The following TAF7L variants were observed in gnomAD, a reference collection of about 807,000 sequenced individuals.
The protein encoded by TAF7L is transcription initiation factor TFIID subunit 7-like.
A neutral mutation model predicts 30.2 loss-of-function variants in TAF7L; 6 were observed. The observed-to-expected ratio is 0.20, with a 90% CI of 0.11 to 0.39. The LOEUF (loss-of-function observed/expected upper bound fraction) is 0.39. TAF7L is among the 10% of genes least tolerant of loss of function. The pLI, the probability that TAF7L is intolerant of heterozygous loss-of-function variation, is 1.00. For synonymous variants in TAF7L, 93 were observed against 94.5 expected (o/e 0.98, Z 0.09); for missense variants, 284 against 277.1 (o/e 1.03, Z -0.18).
chrX:101,279,702 G>C (rs1044611143), intron 6 of TAF7L, among the ~76,000 whole-genome samples: 1 of 111,814 alleles, frequency 8.9e-6, no homozygotes, highest in Non-Finnish European at 1.9e-5. Flanking sequence ...AGTAAAGTCA[G>C]AGCAATCAGC....
At chrX:101,281,573 G>A in intron 6 of TAF7L, 147 bp downstream of exon 6, 1 of 547,592 alleles carries the variant, frequency 1.8e-6, no homozygotes, top group Non-Finnish European at 3.1e-6. Flanking sequence ...AGCATACAGT[G>A]CCTGGCATTT....
chrX:101,285,359 G>A (rs1409236722), intron 3 of TAF7L, among the ~76,000 whole-genome samples: 1 of 109,081 alleles, frequency 9.2e-6, no homozygotes, highest in East Asian at 2.9e-4. Flanking sequence ...TTAGCCAGGT[G>A]TGGTGGCGCA....
chrX:101,288,272 G>T, intron 1 of TAF7L, among the ~76,000 whole-genome samples: 1 of 109,337 alleles, frequency 9.1e-6, no homozygotes, highest in South Asian at 4.0e-4. Flanking sequence ...CTCCCAAGTA[G>T]TTGGGACTAC....
chrX:101,272,127 C>G (rs145890084), intron 12 of TAF7L, among the ~76,000 whole-genome samples: 1,268 of 111,418 alleles, frequency 0.011, 9 homozygotes, highest in Non-Finnish European at 0.018. Flanking sequence ...AGTCAGCACA[C>G]ATTTTCTATA....
At chrX:101,272,958 G>A (rs749311096) in intron 12 of TAF7L, among the ~76,000 whole-genome samples, 2 of 110,176 alleles carry the variant, frequency 1.8e-5, no homozygotes, top group African/African-American at 6.6e-5. Context: ...AATTTTTGGA[G>A]AGACGGGGTT....
chrX:101,287,924 G>C lies in TAF7L; in HGVS notation c.-2-379C>G, dbSNP rs139300475. The C allele has an allele frequency of 1.1e-3, 146 of 130,599 alleles. 1 individual carries two copies. The East Asian group carries it at 0.029, about 26-fold the overall frequency. 10.8% of individuals were successfully genotyped at this position (130,599 alleles called of 1,213,427 possible). A position where few individuals can be genotyped will look rare whatever the true frequency, so the allele number is the denominator to read the frequency against. On this transcript the variant is annotated intron_variant, in intron 1 of 12. Transcript: ENST00000356784. ...CTACCTAAGCAAACTAACCTCTGTA[G>C]GGAAGAATGCAAACCAAAAGCTGAA...
At chrX:101,282,189 G>A (rs1924438121) in intron 5 of TAF7L, 138 bp downstream of exon 5, 7 of 873,088 alleles carry the variant, frequency 8.0e-6, no homozygotes, top group South Asian at 2.5e-5. Context: ...CCCAGCTGAC[G>A]TGACTCCTCT....
rs1924788879 is a variant in TAF7L, at chrX:101,291,290, C to T, written c.-69G>A. On this transcript the variant is annotated 5_prime_UTR_variant, in exon 1 of 13. Transcript: ENST00000356784. ...ACCTGCGTCTCTGGTCTGTGGGTTC[C>T]GGACGAACCGCGCGTGGGCTCCCGC... 1.3e-6 allele frequency: 1 copy of T among 752,937 alleles called. No individual in the cohort carries two copies. Among genetic ancestry groups the T allele is most frequent in the Non-Finnish European group, 1.6e-6 (1 of 638,890 alleles). The allele number at this position is 752,937 out of a possible 1,213,427, so 62.1% of individuals were successfully genotyped here.
rs1472811035 is a variant in TAF7L, at chrX:101,276,404, C to T, written c.816G>A (p.Glu272=). ...GATACTCTTCAGAACAATCTTCCTCCTCCTCTTCTTTGTCTTCATCTTCAT... is the reference window on the plus strand; with the variant it reads ...GATACTCTTCAGAACAATCTTCCTCTTCCTCTTCTTTGTCTTCATCTTCAT... ...DEDEDEDKEE[E]EEDCSEEYLE... Residue 272 remains glutamate, a synonymous_variant, in exon 10 of 13, where the codon GAG becomes GAA. Transcript: ENST00000356784. 4.6e-5 allele frequency: 55 copies of T among 1,206,647 alleles called. No homozygotes were observed. Among genetic ancestry groups the T allele is most frequent in the Non-Finnish European group, 6.0e-5 (54 of 894,107 alleles).
At chrX:101,288,425 G>A (rs904648611) in intron 1 of TAF7L, among the ~76,000 whole-genome samples, 5 of 107,413 alleles carry the variant, frequency 4.7e-5, no homozygotes, top group African/African-American at 6.8e-5. Flanking sequence ...TTACAGGCCT[G>A]AGCCACCGCG....
At chrX:101,271,532 G>A (rs1923964416) in intron 12 of TAF7L, among the ~76,000 whole-genome samples, 1 of 111,399 alleles carries the variant, frequency 9.0e-6, no homozygotes. Context: ...ATTAAAAATG[G>A]TACACTTATA....
At chrX:101,286,433 C>T in intron 3 of TAF7L, 142 bp downstream of exon 3, 1 of 408,865 alleles carries the variant, frequency 2.4e-6, no homozygotes, top group Non-Finnish European at 4.2e-6. Flanking sequence ...GGACTTAAGC[C>T]TCTCTAAAGC....
chrX:101,290,178 CAGAG>C (rs759845443), intron 1 of TAF7L, among the ~76,000 whole-genome samples: 21 of 110,455 alleles, frequency 1.9e-4, no homozygotes, highest in Non-Finnish European at 2.8e-4. Context: ...GCTTGGGTGA[CAGAG>C]TGAGACTCCT....
intron 12 of TAF7L, among the ~76,000 whole-genome samples, chrX:101,270,701 T>G (rs1438950121): frequency 9.0e-6 from 1 of 111,468 alleles, no homozygotes; most frequent in East Asian, 2.8e-4. Flanking sequence ...TTTGTTCCCC[T>G]TTTTGCCCTG....
At chrX:101,292,890 G>A (rs935478831), upstream of TAF7L, 11 of 1,209,269 alleles carry the variant, frequency 9.1e-6, no homozygotes, top group Non-Finnish European at 1.2e-5. Context: ...GGGTGCCTTC[G>A]TCGCCAGCAA....
intron 12 of TAF7L, among the ~76,000 whole-genome samples, chrX:101,271,909 T>C (rs1923976744): frequency 9.0e-6 from 1 of 111,622 alleles, no homozygotes; most frequent in South Asian, 3.8e-4. Context: ...TAACTGTTCA[T>C]CTGATTGTTT....
intron 5 of TAF7L, 143 bp from the exon 6 acceptor site, chrX:101,281,918 C>T: frequency 3.9e-6 from 2 of 514,712 alleles, no homozygotes; most frequent in East Asian, 3.7e-5. Flanking sequence ...TCGAGTCCCA[C>T]TCTGTTGCCC....
chrX:101,274,895 A>G (rs1164838916), intron 12 of TAF7L, among the ~76,000 whole-genome samples: 4 of 112,466 alleles, frequency 3.6e-5, no homozygotes, highest in Non-Finnish European at 5.6e-5. Context: ...TATATCAATT[A>G]GCCTATAGTA....
intron 12 of TAF7L, among the ~76,000 whole-genome samples, chrX:101,274,237 CAG>C (rs972114711): frequency 1.9e-5 from 2 of 105,994 alleles, no homozygotes; most frequent in African/African-American, 3.5e-5. Flanking sequence ...TTTTTTGAGA[CAG>C]GGGCTCACTT....
Sources: gnomAD v4.1 joint callset for allele counts (sites outside exome capture counted in the v4.1 genomes callset) on GRCh38, gnomAD v4.1.1 for gene constraint, MANE v1.5 for transcripts, NCBI Gene and HGNC (gene_info 2026-07-23, HGNC 2026-07-21) for gene names.